Variants in TOPBP1 observed in about 807,000 individuals in gnomAD.
TOPBP1 encodes the protein DNA topoisomerase 2-binding protein 1.
In TOPBP1, 28 loss-of-function variants were observed where a neutral mutation model predicts 167.7. That is an observed-to-expected ratio of 0.17 (90% CI 0.12 to 0.23). The LOEUF is 0.23. TOPBP1 is among the 10% of genes least tolerant of loss of function. The probability of loss-of-function intolerance (pLI) is 1.00; values close to 1 mark genes in which losing one functional copy is unlikely to be tolerated. For missense variants in TOPBP1, 1,554 were observed against 1,809.6 expected (o/e 0.86, Z 2.56); for synonymous variants, 598 against 611.4 (o/e 0.98, Z 0.32).
At chr3:133,652,850 T>G (rs929782866) in intron 7 of TOPBP1, among the ~76,000 whole-genome samples, 7 of 152,226 alleles carry the variant, frequency 4.6e-5, no homozygotes, top group Admixed American at 6.5e-5. Context: ...ACACATTTTC[T>G]TAATAGTGTC....
chr3:133,623,113 A>C lies in TOPBP1; in HGVS notation c.3156T>G (p.Ser1052Arg). 3 of 1,608,826 alleles carry C rather than the reference A, an allele frequency of 1.9e-6. No individual in the cohort carries two copies. The highest frequency in any genetic ancestry group is 2.5e-6 in the Non-Finnish European group (3 of 1,176,812). The change falls in exon 19 of 28, where the codon AGT becomes AGG. Residue 1052 changes from serine (S) to arginine (R), a missense_variant. By Grantham distance (110) the Ser-to-Arg change is moderately radical. Transcript: ENST00000260810. ...TACCTCCTTTAGAGTCATTCTTTCC[A>C]CTTCCATTTGATGGTGCTGACTCTT... ...NNKESAPSNG[S>R]GKNDSKGVLT...
chr3:133,604,796 G>GT (rs1427912720), intron 27 of TOPBP1, among the ~76,000 whole-genome samples: 1 of 151,870 alleles, frequency 6.6e-6, no homozygotes, highest in African/African-American at 2.4e-5. Context: ...GCTCATGCCT[G>GT]TAATCCCAGC....
At chr3:133,633,292 C>A (rs1365808126) in intron 14 of TOPBP1, among the ~76,000 whole-genome samples, 1 of 152,234 alleles carries the variant, frequency 6.6e-6, no homozygotes, top group Non-Finnish European at 1.5e-5. Context: ...CATTGACCTT[C>A]ATAATGCTCA....
At chr3:133,642,171 T>G (rs573779539) in intron 12 of TOPBP1, among the ~76,000 whole-genome samples, 1 of 152,156 alleles carries the variant, frequency 6.6e-6, no homozygotes, top group South Asian at 2.1e-4. Flanking sequence ...TTTTTATTAT[T>G]TTTTAAATAG....
At chr3:133,648,009 C>T (rs1384963085) in intron 10 of TOPBP1, among the ~76,000 whole-genome samples, 1 of 152,074 alleles carries the variant, frequency 6.6e-6, no homozygotes, top group Non-Finnish European at 1.5e-5. Context: ...TTCTCAGATT[C>T]AGAAGGCACA....
intron 14 of TOPBP1, among the ~76,000 whole-genome samples, chr3:133,630,568 G>A (rs996438139): frequency 3.0e-4 from 46 of 151,970 alleles, no homozygotes; most frequent in Admixed American, 3.0e-3. Context: ...AAAGTGCTGG[G>A]ATTACAGGTG....
chr3:133,660,976 C>T, intron 2 of TOPBP1, 68 bp downstream of exon 2: 1 of 1,162,966 alleles, frequency 8.6e-7, no homozygotes, highest in Non-Finnish European at 1.2e-6. Context: ...GACATAAAGC[C>T]CAACAAATCA....
chr3:133,650,952 A>G (rs1224592804), intron 8 of TOPBP1, among the ~76,000 whole-genome samples: 1 of 151,828 alleles, frequency 6.6e-6, no homozygotes, highest in Non-Finnish European at 1.5e-5. Flanking sequence ...TCTACTAAAA[A>G]TAGAAAAATT....
chr3:133,618,601 T>A (rs1003585558), intron 20 of TOPBP1, among the ~76,000 whole-genome samples, 168 bp from the exon 21 acceptor site: 31 of 152,104 alleles, frequency 2.0e-4, no homozygotes, highest in South Asian at 8.3e-4. Context: ...TTTTTTTTTT[T>A]TAAAAAGGTT....
In TOPBP1 at chr3:133,640,101, C is replaced by A; in HGVS notation, c.2091G>T (p.Leu697=). 2 of 1,613,798 alleles carry A rather than the reference C, an allele frequency of 1.2e-6. No homozygotes were observed. The highest frequency in any genetic ancestry group is 1.1e-5 in the South Asian group (1 of 91,072). Residue 697 remains leucine (L), a synonymous_variant, in exon 13 of 28, where the codon CTG becomes CTT. Transcript: ENST00000260810. ...CATATTTAGAGCCACCACGTTCTTT[C>A]AGTATAAGATGAGTACTGGCAAACA... ...KGMFASTHLI[L]KERGGSKYEA...
intron 6 of TOPBP1, among the ~76,000 whole-genome samples, chr3:133,654,494 C>G (rs1241921197): frequency 6.6e-6 from 1 of 152,178 alleles, no homozygotes; most frequent in African/African-American, 2.4e-5. Flanking sequence ...CAACTCTACT[C>G]ACAGTGATCC....
intron 8 of TOPBP1, 41 bp downstream of exon 8, chr3:133,652,422 T>A (rs1445864250): frequency 6.2e-7 from 1 of 1,600,084 alleles, no homozygotes; most frequent in African/African-American, 1.3e-5. Context: ...GAAATGCTAA[T>A]GTATATCATC....
intron 6 of TOPBP1, among the ~76,000 whole-genome samples, chr3:133,654,943 C>G (rs1341128759): frequency 2.6e-5 from 4 of 152,116 alleles, no homozygotes; most frequent in African/African-American, 7.2e-5. Flanking sequence ...GGCACGGTGG[C>G]TCATGCCTGT....
Position 133,652,508 on chromosome 3 carries a change from A to T in TOPBP1, c.1044T>A (p.Asp348Glu). The change falls in exon 8 of 28, where the codon GAT becomes GAA. Residue 348 changes from aspartate (D) to glutamate (E), a missense_variant. By Grantham distance (45) the Asp-to-Glu change is conservative. Coordinates refer to ENST00000260810, the MANE Select transcript of TOPBP1 (RefSeq NM_007027.4). ...EPTLENLENL[D>E]VSAFQAPEDL... is the part of the protein sequence containing the mutation. ...CTTCAGGTGCTTGAAATGCACTGAC[A>T]TCCAGATTTTCTAGATTTTCAAGTG... The T allele has an allele frequency of 6.2e-7, 1 of 1,612,002 alleles. No homozygotes were observed. The highest frequency in any genetic ancestry group is 1.1e-5 in the South Asian group (1 of 90,976).
intron 3 of TOPBP1, among the ~76,000 whole-genome samples, chr3:133,658,729 C>G (rs762735773): frequency 2.6e-5 from 4 of 152,098 alleles, no homozygotes; most frequent in Non-Finnish European, 5.9e-5. Flanking sequence ...ATCACTTGAA[C>G]CAAGGAAGCA....
At chr3:133,658,973 C>CA (rs778022710) in intron 3 of TOPBP1, 43 bp downstream of exon 3, 2 of 1,543,110 alleles carry the variant, frequency 1.3e-6, no homozygotes, top group South Asian at 2.5e-5. Context: ...AAAGATAAAC[C>CA]AAAAAATAGA....
At chr3:133,612,264 T>A (rs1934707546) in intron 24 of TOPBP1, 125 bp downstream of exon 24, 5 of 1,046,984 alleles carry the variant, frequency 4.8e-6, no homozygotes, top group Non-Finnish European at 6.9e-6. Flanking sequence ...TGTCTCGAAC[T>A]CCTGATCTCA....
intron 14 of TOPBP1, among the ~76,000 whole-genome samples, chr3:133,636,388 T>C (rs1027654408): frequency 4.7e-4 from 33 of 70,030 alleles, no homozygotes; most frequent in Admixed American, 3.3e-3. Context: ...TTATATCAGT[T>C]TGAAGATGAT....
intron 4 of TOPBP1, among the ~76,000 whole-genome samples, chr3:133,657,414 C>T (rs1345540444): frequency 2.1e-5 from 3 of 145,498 alleles, no homozygotes; most frequent in African/African-American, 7.6e-5. Flanking sequence ...CGAAATCTTG[C>T]TCTGTCACCC....
Sources: allele counts gnomAD v4.1 joint callset (sites outside exome capture counted in the v4.1 genomes callset), GRCh38; gene constraint gnomAD v4.1.1; transcripts MANE v1.5; gene names NCBI Gene and HGNC (gene_info 2026-07-23, HGNC 2026-07-21).